The following JAKMIP1 variants were observed in gnomAD, a reference collection of about 807,000 sequenced individuals.
The protein encoded by JAKMIP1 is janus kinase and microtubule-interacting protein 1.
JAKMIP1 carries 33 observed loss-of-function variants against 113.0 expected under a neutral mutation model. That is an observed-to-expected ratio of 0.29 (90% CI 0.22 to 0.39). JAKMIP1 has a LOEUF of 0.39. Ranked by LOEUF, JAKMIP1 falls within the 10% of genes least tolerant of loss-of-function variation. JAKMIP1 has a pLI of 1.00. For synonymous variants in JAKMIP1, 480 were observed against 459.9 expected, an observed-to-expected ratio of 1.04 and a Z score of -0.56; for missense variants, 813 against 1,080.5, an observed-to-expected ratio of 0.75 and a Z score of 3.47.
At chr4:6,177,369 C>T (rs1481167404) in intron 1 of JAKMIP1, among the ~76,000 whole-genome samples, 1 of 152,158 alleles carries the variant, frequency 6.6e-6, no homozygotes, top group Admixed American at 6.5e-5. Context: ...CCTTTACTCC[C>T]AGTCCTGAGC....
chr4:6,092,208 G>A (rs1722149138), intron 3 of JAKMIP1, among the ~76,000 whole-genome samples: 1 of 152,156 alleles, frequency 6.6e-6, no homozygotes, highest in Admixed American at 6.5e-5. Context: ...CACTCCAGGT[G>A]TGGTGGAATC....
rs1054358705 is a variant in JAKMIP1, at chr4:6,069,045, C to T, written c.1303-4037G>A. Among the ~76,000 whole-genome samples, 2 of 152,020 alleles carry T rather than the reference C, an allele frequency of 1.3e-5. No homozygotes were observed. Among genetic ancestry groups the T allele is most frequent in the African/African-American group, 4.8e-5 (2 of 41,366 alleles). ...TGTCTTTATTAATAAAAAATAGAAACAATATATTAATGTTTAAAGTAAAAA... is the reference window on the plus strand; with the variant it reads ...TGTCTTTATTAATAAAAAATAGAAATAATATATTAATGTTTAAAGTAAAAA... On this transcript the variant is annotated intron_variant, in intron 8 of 20. Transcript: ENST00000409021. The surrounding 1 kb of genome is among the most constrained non-coding windows in gnomAD (Gnocchi z 4.5).
At chr4:6,036,970 G>A (rs1270784618) in intron 18 of JAKMIP1, among the ~76,000 whole-genome samples, 1 of 131,372 alleles carries the variant, frequency 7.6e-6, no homozygotes, top group Non-Finnish European at 1.6e-5. Flanking sequence ...CACCGAGGCA[G>A]AGGCTAACCA....
At chr4:6,062,567 G>A in intron 9 of JAKMIP1, 127 bp from the exon 10 acceptor site, 1 of 972,784 alleles carries the variant, frequency 1.0e-6, no homozygotes, top group Non-Finnish European at 1.5e-6. Flanking sequence ...GGTCAACTTA[G>A]ACATCAAACG....
Position 6,178,613 on chromosome 4 carries a change from C to T in JAKMIP1, c.-148+21640G>A, listed in dbSNP as rs951211779. 1.3e-5 allele frequency among the ~76,000 whole-genome samples: 2 copies of T among 152,170 alleles called. No individual in the cohort carries two copies. The highest frequency in any genetic ancestry group is 2.1e-4 in the South Asian group (1 of 4,832). On this transcript the variant is annotated intron_variant, in intron 1 of 20. Coordinates refer to ENST00000409021, the MANE Select transcript of JAKMIP1 (RefSeq NM_001099433.2). The surrounding 1 kb of genome is among the most constrained non-coding windows in gnomAD (Gnocchi z 5.5). The stretch of plus-strand genomic sequence containing the variant: ...CTTGATACCGCCAGGTGAAGAAGGA[C>T]GTGTTTGCTTCCCCTAATGCCATGA...
At position 6,108,203 on chromosome 4, in the gene JAKMIP1, C is replaced by G. The variant is rs2108880918; in HGVS notation, c.130-2236G>C. On this transcript the variant is annotated intron_variant, in intron 2 of 20. Transcript: ENST00000409021. The surrounding 1 kb of genome is among the most constrained non-coding windows in gnomAD (Gnocchi z 5.6). ...CTGCCCAAAGCTGCTGAGAGCCAAG[C>G]CCAGGTGACATGACCTATGCCACAG... 6.6e-6 allele frequency among the ~76,000 whole-genome samples: 1 copy of G among 152,212 alleles called. No individual in the cohort carries two copies. Among genetic ancestry groups the G allele is most frequent in the Non-Finnish European group, 1.5e-5 (1 of 68,018 alleles).
chr4:6,063,617 C>T (rs558508035), intron 9 of JAKMIP1, among the ~76,000 whole-genome samples: 1 of 152,272 alleles, frequency 6.6e-6, no homozygotes, highest in African/African-American at 2.4e-5. Flanking sequence ...TGACATGTGT[C>T]CCCTAGAGTT....
In JAKMIP1 at chr4:6,178,107, C is replaced by T. The variant is rs1725579431; in HGVS notation, c.-148+22146G>A. Among the ~76,000 whole-genome samples the T allele has an allele frequency of 6.6e-6, 1 of 152,230 alleles. No individual in the cohort carries two copies. Among genetic ancestry groups the T allele is most frequent in the South Asian group, 2.1e-4 (1 of 4,828 alleles). ...TTCATGCTTCCTGTCCCCGACCCTC[C>T]TCCCTGGAGGGGAGGGATAGGAAAG... On this transcript the variant is annotated intron_variant, in intron 1 of 20. Transcript: ENST00000409021. The surrounding 1 kb of genome is among the most constrained non-coding windows in gnomAD (Gnocchi z 5.5).
At chr4:6,149,935 C>T (rs990469052) in intron 1 of JAKMIP1, among the ~76,000 whole-genome samples, 2 of 152,174 alleles carry the variant, frequency 1.3e-5, no homozygotes, top group Non-Finnish European at 2.9e-5. Context: ...CTGGGCTTCT[C>T]CTCCTGCCTC....
chr4:6,056,975 T>C (rs1183390824), intron 11 of JAKMIP1, among the ~76,000 whole-genome samples: 1 of 152,156 alleles, frequency 6.6e-6, no homozygotes, highest in Non-Finnish European at 1.5e-5. Context: ...TTCGTTCACA[T>C]TCCCAAAAGC....
In JAKMIP1 at chr4:6,094,008, G is replaced by T. The variant is rs1032284438; in HGVS notation, c.625-8379C>A. Among the ~76,000 whole-genome samples, 1 of 151,848 alleles carries T rather than the reference G, an allele frequency of 6.6e-6. No homozygotes were observed. Among genetic ancestry groups the T allele is most frequent in the African/African-American group, 2.4e-5 (1 of 41,312 alleles). The stretch of plus-strand genomic sequence containing the variant: ...TCCCAAGCAGAGATCACATGGGAGC[G>T]GGTGTCACCTGTCACCCCAGTAGAC... On this transcript the variant is annotated intron_variant, in intron 3 of 20. Transcript: ENST00000409021. This position sits in a 1 kb window ranked among gnomAD's most constrained non-coding sequence, Gnocchi z 4.2.
intron 2 of JAKMIP1, 140 bp downstream of exon 2, chr4:6,112,582 C>G: frequency 9.7e-7 from 1 of 1,026,550 alleles, no homozygotes; most frequent in Non-Finnish European, 1.4e-6. Flanking sequence ...TGCAAAGGGA[C>G]AGACAGCAGG....
At chr4:6,085,379 G>C in intron 4 of JAKMIP1, 41 bp downstream of exon 4, 1 of 1,585,686 alleles carries the variant, frequency 6.3e-7, no homozygotes, top group Non-Finnish European at 8.6e-7. Context: ...CTAAATGGGT[G>C]GGGGACCAGC....
rs568181023 is a variant in JAKMIP1, at chr4:6,059,753, G to A, written c.1644+671C>T. Reference sequence around the variant, plus strand: ...CCTTGTCACATGGAGCCAGGGAGACGTTCAGGTTATGTCACCACAGCAGCA... The same window carrying A: ...CCTTGTCACATGGAGCCAGGGAGACATTCAGGTTATGTCACCACAGCAGCA... On this transcript the variant is annotated intron_variant, in intron 11 of 20. Coordinates refer to ENST00000409021, the MANE Select transcript of JAKMIP1 (RefSeq NM_001099433.2). The surrounding 1 kb of genome is among the most constrained non-coding windows in gnomAD (Gnocchi z 4.8). 5.3e-5 allele frequency among the ~76,000 whole-genome samples: 8 copies of A among 152,200 alleles called. No individual in the cohort carries two copies. In the East Asian group the frequency reaches 5.8e-4, roughly 11 times the overall value.
At chr4:6,147,116 T>C (rs1720947662) in intron 1 of JAKMIP1, among the ~76,000 whole-genome samples, 1 of 151,916 alleles carries the variant, frequency 6.6e-6, no homozygotes, top group African/African-American at 2.4e-5. Context: ...CCAACCACTA[T>C]GCCTGGCTAA....
chr4:6,136,355 A>G lies in JAKMIP1; in HGVS notation c.-147-23358T>C, dbSNP rs572136469. 2.6e-5 allele frequency among the ~76,000 whole-genome samples: 4 copies of G among 152,272 alleles called. No individual in the cohort carries two copies. Among genetic ancestry groups the G allele is most frequent in the African/African-American group, 9.6e-5 (4 of 41,546 alleles). Reference sequence around the variant, plus strand: ...AACCCAAAAGACCATGGGAATATTTAAGTACTTCTGACAAATCAGTACCCT... The same window carrying G: ...AACCCAAAAGACCATGGGAATATTTGAGTACTTCTGACAAATCAGTACCCT... On this transcript the variant is annotated intron_variant, in intron 1 of 20. Transcript: ENST00000409021. This position sits in a 1 kb window ranked among gnomAD's most constrained non-coding sequence, Gnocchi z 5.9.
chr4:6,056,339 C>T (rs1489485052), intron 12 of JAKMIP1, among the ~76,000 whole-genome samples: 1 of 151,912 alleles, frequency 6.6e-6, no homozygotes, highest in Non-Finnish European at 1.5e-5. Context: ...TGCAGGTGTC[C>T]CCAGAGGACA....
chr4:6,115,359 G>A (rs1382089074), intron 1 of JAKMIP1, among the ~76,000 whole-genome samples: 5 of 152,212 alleles, frequency 3.3e-5, no homozygotes, highest in Non-Finnish European at 7.3e-5. Flanking sequence ...GCAGTGAGCC[G>A]AGATCGTGCC....
chr4:6,029,618 A>G (rs1712320328), intron 20 of JAKMIP1, 98 bp downstream of exon 20: 5 of 791,860 alleles, frequency 6.3e-6, no homozygotes, highest in Non-Finnish European at 8.6e-6. Context: ...GGAGGGCTGG[A>G]GACAGAGTCT....
Sources: allele counts gnomAD v4.1 joint callset (sites outside exome capture counted in the v4.1 genomes callset), GRCh38; gene constraint gnomAD v4.1.1; non-coding constraint Gnocchi (gnomAD v3.1); transcripts MANE v1.5; gene names NCBI Gene and HGNC (gene_info 2026-07-23, HGNC 2026-07-21).